MSMB: variants seen among roughly 807,000 people sequenced by gnomAD.
MSMB encodes the protein microseminoprotein beta.
Under a neutral mutation model 10.5 loss-of-function variants are expected in MSMB, and 10 were observed. The observed-to-expected ratio is 0.95, with a 90% CI of 0.59 to 1.62. The LOEUF is 1.62. MSMB is among the 40% of genes most tolerant of loss of function. The pLI is 0.00. For missense variants in MSMB, 126 were observed against 137.4 expected (o/e 0.92, Z 0.42); for synonymous variants, 43 against 46.5 (o/e 0.93, Z 0.30).
chr10:46,034,543 G>C (rs1840551825), intron 3 of MSMB, among the ~76,000 whole-genome samples: 1 of 151,828 alleles, frequency 6.6e-6, no homozygotes, highest in African/African-American at 2.4e-5. Flanking sequence ...AATGATGATA[G>C]GGCCGGGCGC....
intron 1 of MSMB, among the ~76,000 whole-genome samples, chr10:46,041,426 G>A (rs1472649935): frequency 1.3e-5 from 2 of 151,826 alleles, no homozygotes; most frequent in Non-Finnish European, 2.9e-5. Context: ...TGGGAATGAA[G>A]GCATTTATTC....
chr10:46,043,435 GTC>G (rs149445497), intron 1 of MSMB, among the ~76,000 whole-genome samples: 123 of 123,736 alleles, frequency 9.9e-4, no homozygotes, highest in Middle Eastern at 4.0e-3. Flanking sequence ...CTCCCTTTCT[GTC>G]TCTCTCTCTC....
At chr10:46,034,110 A>G (rs1840535623) in intron 3 of MSMB, among the ~76,000 whole-genome samples, 1 of 152,058 alleles carries the variant, frequency 6.6e-6, no homozygotes, top group Non-Finnish European at 1.5e-5. Flanking sequence ...ATGTATTATT[A>G]CTATTATTAC....
intron 2 of MSMB, among the ~76,000 whole-genome samples, chr10:46,039,652 C>T (rs556974032): frequency 2.0e-5 from 3 of 152,264 alleles, no homozygotes; most frequent in East Asian, 1.9e-4. Context: ...GAGGCTGTGG[C>T]GGGCAGATGA....
At chr10:46,044,486 G>C (rs1259430144) in intron 1 of MSMB, among the ~76,000 whole-genome samples, 11 of 143,786 alleles carry the variant, frequency 7.7e-5, no homozygotes, top group Non-Finnish European at 1.7e-4. Context: ...TGAGGCAGGA[G>C]AATGGCGTGA....
chr10:46,040,034 A>C lies in MSMB; in HGVS notation c.61T>G (p.Ser21Ala). 1 of 1,614,068 alleles carries C rather than the reference A, an allele frequency of 6.2e-7. No individual in the cohort carries two copies. The highest frequency in any genetic ancestry group is 8.5e-7 in the Non-Finnish European group (1 of 1,179,912). Residue 21 changes from serine (S) to alanine (A), a missense_variant, in exon 2 of 4, where the codon TCA becomes GCA. Transcript: ENST00000582163. ...FATFVTLCNA[S>A]CYFIPNEGVP... Reference sequence around the variant, plus strand: ...CCCTCATTAGGTATGAAATAGCATGATGCATTGCATAAAGTCACGAAGGTG... The same window carrying C: ...CCCTCATTAGGTATGAAATAGCATGCTGCATTGCATAAAGTCACGAAGGTG...
intron 1 of MSMB, among the ~76,000 whole-genome samples, chr10:46,042,476 T>G (rs1470711142): frequency 3.3e-5 from 5 of 152,194 alleles, no homozygotes. Flanking sequence ...TGACTTACTT[T>G]GAACAATCGT....
intron 3 of MSMB, among the ~76,000 whole-genome samples, chr10:46,036,003 A>G (rs1840593920): frequency 6.6e-6 from 1 of 152,226 alleles, no homozygotes; most frequent in African/African-American, 2.4e-5. Context: ...TCTATAGAGG[A>G]AACAGCAGAG....
At chr10:46,038,350 C>T (rs1183241579) in intron 3 of MSMB, among the ~76,000 whole-genome samples, 3 of 151,424 alleles carry the variant, frequency 2.0e-5, no homozygotes, top group Non-Finnish European at 4.4e-5. Flanking sequence ...TGCAGTGGTG[C>T]GATCTCGGCT....
intron 3 of MSMB, among the ~76,000 whole-genome samples, chr10:46,033,963 G>A (rs1484960607): frequency 5.3e-5 from 8 of 152,192 alleles, no homozygotes; most frequent in Admixed American, 2.0e-4. Context: ...CCAGAGCAAT[G>A]AGTCACTCCA....
rs183347888 is a variant in MSMB at position 46,040,818 on chromosome 10, G to A, written c.4-727C>T. Among the ~76,000 whole-genome samples, 478 of 152,274 alleles carry A rather than the reference G, an allele frequency of 3.1e-3. 3 individuals carry two copies. The highest frequency in any genetic ancestry group is 0.019 in the East Asian group (97 of 5,172). On this transcript the variant is annotated intron_variant, in intron 1 of 3. Coordinates refer to ENST00000582163, the MANE Select transcript of MSMB (RefSeq NM_002443.4). Reference sequence around the variant, plus strand: ...AAATACAAAAAATTAGCCGGGTGTGGTGGTGGGTGCCTGTAGTCCCAGCTA... The same window carrying A: ...AAATACAAAAAATTAGCCGGGTGTGATGGTGGGTGCCTGTAGTCCCAGCTA...
chr10:46,040,199 A>T (rs1227759622), intron 1 of MSMB, 108 bp from the exon 2 acceptor site: 13 of 821,498 alleles, frequency 1.6e-5, no homozygotes, highest in Non-Finnish European at 2.3e-5. Context: ...AGAGGTTATG[A>T]TGTGGAGCTC....
At chr10:46,037,129 G>A (rs1714299592) in intron 3 of MSMB, among the ~76,000 whole-genome samples, 1 of 152,202 alleles carries the variant, frequency 6.6e-6, no homozygotes, top group Admixed American at 6.5e-5. Context: ...TTCAAGTTCA[G>A]TAGGACTCAG....
At chr10:46,041,069 C>T (rs1233591267) in intron 1 of MSMB, among the ~76,000 whole-genome samples, 2 of 152,244 alleles carry the variant, frequency 1.3e-5, no homozygotes, top group South Asian at 2.1e-4. Flanking sequence ...GAGGGCCAGG[C>T]GTGGTGGCTC....
chr10:46,045,692 A>G (rs1554929360), intron 1 of MSMB, among the ~76,000 whole-genome samples: 1 of 152,180 alleles, frequency 6.6e-6, no homozygotes, highest in African/African-American at 2.4e-5. Context: ...CTGCAGCCCA[A>G]TTAAATCAGA....
rs1308612907 is a variant in MSMB, at chr10:46,035,790, A to G, written c.216-2239T>C. On this transcript the variant is annotated intron_variant, in intron 3 of 3. Transcript: ENST00000582163. ...GAATTGTATGTTTTAAAATGGTTAC[A>G]CTGGCACATTTTATGTAGTATACAT... is the stretch of plus-strand genomic sequence containing the variant. Among the ~76,000 whole-genome samples the G allele has an allele frequency of 1.9e-4, 29 of 152,158 alleles. 1 individual carries two copies. Among genetic ancestry groups the G allele is most frequent in the Admixed American group, 1.9e-3 (29 of 15,278 alleles).
At chr10:46,039,134 C>CTCAATGTCCTGAT in intron 2 of MSMB, 63 bp from the exon 3 acceptor site, 6 of 1,409,260 alleles carry the variant, frequency 4.3e-6, no homozygotes, top group South Asian at 1.2e-5. Context: ...CCTATCAGGA[C>CTCAATGTCCTGAT]ATTGAGTCCT....
chr10:46,039,379 C>G (rs1377478065), intron 2 of MSMB, among the ~76,000 whole-genome samples: 2 of 152,160 alleles, frequency 1.3e-5, no homozygotes, highest in Non-Finnish European at 2.9e-5. Context: ...CCTGTGGGTA[C>G]TTGGGACCAC....
intron 3 of MSMB, among the ~76,000 whole-genome samples, chr10:46,037,268 G>A (rs907788205): frequency 2.0e-5 from 3 of 152,164 alleles, no homozygotes; most frequent in Admixed American, 2.0e-4. Context: ...TTCTGGGATG[G>A]AGCCCAGGAA....
Sources: gnomAD v4.1 joint callset for allele counts (sites outside exome capture counted in the v4.1 genomes callset) on GRCh38, gnomAD v4.1.1 for gene constraint, MANE v1.5 for transcripts, NCBI Gene and HGNC (gene_info 2026-07-23, HGNC 2026-07-21) for gene names.